TBCE: variants seen among roughly 807,000 people sequenced by gnomAD.
The protein encoded by TBCE is tubulin folding cofactor E.
TBCE carries 53 observed loss-of-function variants against 77.0 expected under a neutral mutation model. The observed-to-expected ratio is 0.69, with a 90% CI of 0.55 to 0.87. The LOEUF is 0.87. Ranked by LOEUF, TBCE falls within the 40% of genes least tolerant of loss-of-function variation. The pLI is 0.00. For synonymous variants in TBCE, 235 were observed against 241.3 expected (o/e 0.97, Z 0.24); for missense variants, 624 against 622.4 (o/e 1.00, Z -0.03).
At chr1:235,443,355 C>CAACG (rs1368294951) in intron 15 of TBCE, among the ~76,000 whole-genome samples, 1 of 152,070 alleles carries the variant, frequency 6.6e-6, no homozygotes, top group Non-Finnish European at 1.5e-5. Context: ...TGCGAGCCAC[C>CAACG]AACGCCCAGC....
chr1:235,396,577 A>G (rs1421578728), intron 2 of TBCE, among the ~76,000 whole-genome samples: 3 of 152,206 alleles, frequency 2.0e-5, no homozygotes, highest in Non-Finnish European at 4.4e-5. Flanking sequence ...ACTGTTCTCC[A>G]TAGTGGTTGT....
intron 15 of TBCE, among the ~76,000 whole-genome samples, chr1:235,448,007 A>T (rs556462897): frequency 6.6e-6 from 1 of 151,986 alleles, no homozygotes; most frequent in Non-Finnish European, 1.5e-5. Context: ...TCAGGAGTTC[A>T]AGACCAGCCT....
chr1:235,430,729 C>T lies in TBCE; in HGVS notation c.585C>T (p.Ser195=), dbSNP rs139440109. 761 of 1,613,268 alleles carry T rather than the reference C, an allele frequency of 4.7e-4. No individual in the cohort carries two copies. The highest frequency in any genetic ancestry group is 3.1e-3 in the African/African-American group (236 of 74,994). ...NVSENKLKFP[S]GSVLTGTLSV... is the part of the protein sequence containing the mutation. ...GTGAAAATAAACTAAAATTTCCCTC[C>T]GGTTCAGTATTAACTGGAACGCTTT... Residue 195 remains serine, a synonymous_variant, in exon 7 of 17, where the codon TCC becomes TCT. Coordinates refer to ENST00000642610, the MANE Select transcript of TBCE (RefSeq NM_003193.5).
At chr1:235,413,306 A>G (rs1325198620) in intron 3 of TBCE, among the ~76,000 whole-genome samples, 2 of 151,122 alleles carry the variant, frequency 1.3e-5, no homozygotes, top group Admixed American at 1.3e-4. Flanking sequence ...GGCTGCAGTT[A>G]GTTATGGTTG....
chr1:235,449,816 T>C lies in TBCE; in HGVS notation c.*1054T>C, dbSNP rs1682783112. ...TTAGCTCTACAGAGCTATCCTGCAA[T>C]CCAGGTTGAAATTCAAACTCTCAGT... On this transcript the variant is annotated 3_prime_UTR_variant, in exon 17 of 17. Transcript: ENST00000642610. 5.7e-6 allele frequency: 1 copy of C among 175,510 alleles called. No homozygotes were observed. Among genetic ancestry groups the C allele is most frequent in the East Asian group, 1.5e-4 (1 of 6,602 alleles). The allele number at this position is 175,510 out of a possible 1,614,324, so 10.9% of individuals were successfully genotyped here.
intron 1 of TBCE, among the ~76,000 whole-genome samples, chr1:235,368,185 C>T (rs1346865073): frequency 2.6e-5 from 4 of 152,150 alleles, no homozygotes; most frequent in Admixed American, 2.0e-4. Context: ...GGATTACAGG[C>T]GTGAGCCACC....
chr1:235,368,855 C>G (rs1286564450), intron 1 of TBCE, among the ~76,000 whole-genome samples: 2 of 152,006 alleles, frequency 1.3e-5, no homozygotes, highest in East Asian at 3.9e-4. Context: ...TGTGAGCCAC[C>G]GTGCCCAGCC....
chr1:235,409,172 T>C (rs1047763639), intron 3 of TBCE, among the ~76,000 whole-genome samples: 1 of 151,964 alleles, frequency 6.6e-6, no homozygotes, highest in Non-Finnish European at 1.5e-5. Context: ...GATAACTGGG[T>C]TTTATGAGCA....
chr1:235,411,245 A>G (rs1014504098), intron 3 of TBCE, among the ~76,000 whole-genome samples: 2 of 152,256 alleles, frequency 1.3e-5, no homozygotes, highest in African/African-American at 4.8e-5. Context: ...TCTGTGGGAC[A>G]CAGGTCAGGA....
chr1:235,395,344 G>C (rs188579738), intron 2 of TBCE, among the ~76,000 whole-genome samples: 95 of 152,034 alleles, frequency 6.2e-4, no homozygotes, highest in African/African-American at 2.0e-3. Context: ...TTTATTCTCT[G>C]TTTGTTACAA....
chr1:235,440,799 G>A (rs140846442), intron 13 of TBCE: 5 of 152,052 alleles, frequency 3.3e-5, no homozygotes, highest in African/African-American at 9.7e-5. Flanking sequence ...CGCTACCAAG[G>A]CTGGCACTTG....
Position 235,448,965 on chromosome 1 carries a change from C to A in TBCE, c.*203C>A. The A allele has an allele frequency of 2.0e-6, 1 of 502,618 alleles. No individual in the cohort carries two copies. Among genetic ancestry groups the A allele is most frequent in the Non-Finnish European group, 3.6e-6 (1 of 276,308 alleles). 31.1% of individuals were successfully genotyped at this position (502,618 alleles called of 1,614,324 possible). On this transcript the variant is annotated 3_prime_UTR_variant, in exon 17 of 17. Transcript: ENST00000642610. Reference sequence around the variant, plus strand: ...AGCAATAATAAAGGCTTTGAACCTACTAATGATTTTCTGATCTTATTTCAT... The same window carrying A: ...AGCAATAATAAAGGCTTTGAACCTAATAATGATTTTCTGATCTTATTTCAT...
At chr1:235,432,320 C>T (rs927579664) in intron 7 of TBCE, among the ~76,000 whole-genome samples, 1 of 152,210 alleles carries the variant, frequency 6.6e-6, no homozygotes, top group Non-Finnish European at 1.5e-5. Flanking sequence ...TGTAGAAATA[C>T]ATTCCCAGCC....
intron 2 of TBCE, among the ~76,000 whole-genome samples, chr1:235,388,647 ATTG>A (rs1462010140): frequency 2.6e-5 from 4 of 152,150 alleles, no homozygotes; most frequent in African/African-American, 7.2e-5. Flanking sequence ...ATGTTGCCAA[ATTG>A]TTGTCTGCAA....
At chr1:235,370,469 T>G (rs1676847487) in intron 1 of TBCE, among the ~76,000 whole-genome samples, 1 of 151,752 alleles carries the variant, frequency 6.6e-6, no homozygotes, top group Non-Finnish European at 1.5e-5. Context: ...GCCAGGTTGG[T>G]CTTGAACTGC....
chr1:235,371,882 CG>C (rs1444765569), intron 1 of TBCE, among the ~76,000 whole-genome samples: 8 of 152,086 alleles, frequency 5.3e-5, no homozygotes, highest in African/African-American at 1.9e-4. Context: ...CCATGTTGGC[CG>C]GGCTGGTCTC....
intron 8 of TBCE, among the ~76,000 whole-genome samples, chr1:235,434,600 G>C (rs1336344762): frequency 2.0e-5 from 3 of 148,056 alleles, no homozygotes; most frequent in African/African-American, 7.6e-5. Context: ...GTGCAGTGGC[G>C]ATCTTGGCTC....
intron 1 of TBCE, among the ~76,000 whole-genome samples, chr1:235,377,327 G>GC (rs1006494162): frequency 1.3e-5 from 2 of 152,040 alleles, no homozygotes; most frequent in African/African-American, 4.8e-5. Context: ...CTACAGGCGC[G>GC]CACTACATGC....
intron 5 of TBCE, among the ~76,000 whole-genome samples, chr1:235,422,018 TGTCTCTGCCA>T (rs1249647054): frequency 3.9e-5 from 6 of 152,334 alleles, no homozygotes; most frequent in African/African-American, 1.2e-4. Flanking sequence ...GGTCTCTGCC[TGTCTCTGCCA>T]GTCTCTGCCC....
Sources: allele counts gnomAD v4.1 joint callset (sites outside exome capture counted in the v4.1 genomes callset), GRCh38; gene constraint gnomAD v4.1.1; transcripts MANE v1.5; gene names NCBI Gene and HGNC (gene_info 2026-07-23, HGNC 2026-07-21).